Variants in KIAA1217 observed in about 807,000 individuals in gnomAD.
KIAA1217 encodes the protein sickle tail protein homolog.
Under a neutral mutation model 163.9 loss-of-function variants are expected in KIAA1217, and 88 were observed. That is an observed-to-expected ratio of 0.54 (90% CI 0.45 to 0.64). KIAA1217 has a LOEUF of 0.64. KIAA1217 is among the 30% of genes least tolerant of loss of function. The pLI, the probability that KIAA1217 is intolerant of heterozygous loss-of-function variation, is 0.00. For missense variants in KIAA1217, 2,372 were observed against 2,475.0 expected, an observed-to-expected ratio of 0.96 and a Z score of 0.88; for synonymous variants, 903 against 923.1, an observed-to-expected ratio of 0.98 and a Z score of 0.39.
intron 2 of KIAA1217, among the ~76,000 whole-genome samples, chr10:24,039,170 T>C (rs766885375): frequency 6.6e-6 from 1 of 151,964 alleles, no homozygotes; most frequent in Admixed American, 6.6e-5. Flanking sequence ...GATTCTATAG[T>C]CTCTCAGGTT....
chr10:24,053,310 T>C (rs868291853), intron 2 of KIAA1217, among the ~76,000 whole-genome samples: 3 of 152,172 alleles, frequency 2.0e-5, no homozygotes, highest in Admixed American at 6.5e-5. Context: ...TTCATATTTA[T>C]AAATATGATA....
Position 24,313,925 on chromosome 10 carries a change from C to A in KIAA1217, c.355-66944C>A, listed in dbSNP as rs536661814. On this transcript the variant is annotated intron_variant, in intron 2 of 20. Coordinates refer to ENST00000376454, the MANE Select transcript of KIAA1217 (RefSeq NM_019590.5). ...TGCAATCTCGGCTCACTGCAACTTC[C>A]ACCTCCCGGGCTCAAGTGATTCTCC... Among the ~76,000 whole-genome samples, 8 of 149,868 alleles carry A rather than the reference C, an allele frequency of 5.3e-5. No individual in the cohort carries two copies. The East Asian group carries it at 1.6e-3, about 31-fold the overall frequency.
chr10:24,368,710 A>G, intron 2 of KIAA1217: 1 of 213,734 alleles, frequency 4.7e-6, no homozygotes, highest in Non-Finnish European at 8.0e-6. Flanking sequence ...AGATGAAGGC[A>G]TGGTGGATCC....
intron 1 of KIAA1217, among the ~76,000 whole-genome samples, chr10:23,907,404 G>A (rs1221490384): frequency 6.6e-6 from 1 of 151,798 alleles, no homozygotes; most frequent in Non-Finnish European, 1.5e-5. Context: ...CATGGGATGT[G>A]GTTCATACAA....
At chr10:23,872,287 C>G (rs1288352758) in intron 1 of KIAA1217, among the ~76,000 whole-genome samples, 1 of 146,300 alleles carries the variant, frequency 6.8e-6, no homozygotes. Flanking sequence ...TGGGTAGGAC[C>G]AATAGATTTT....
intron 1 of KIAA1217, among the ~76,000 whole-genome samples, chr10:23,834,501 G>C (rs1303998609): frequency 6.6e-6 from 1 of 152,120 alleles, no homozygotes; most frequent in African/African-American, 2.4e-5. Flanking sequence ...TGACATTCTA[G>C]TGGAAGAGAG....
chr10:24,368,534 T>C (rs2051113696), intron 2 of KIAA1217, among the ~76,000 whole-genome samples: 1 of 152,182 alleles, frequency 6.6e-6, no homozygotes, highest in South Asian at 2.1e-4. Context: ...TTTACAAGCA[T>C]TTTAAATTAT....
At chr10:24,376,831 G>A (rs962769601) in intron 2 of KIAA1217, among the ~76,000 whole-genome samples, 5 of 152,094 alleles carry the variant, frequency 3.3e-5, no homozygotes, top group African/African-American at 1.2e-4. Flanking sequence ...TGCGCCACAC[G>A]TGATCTTTGC....
Position 24,380,921 on chromosome 10 carries a change from C to T in KIAA1217, c.407C>T (p.Pro136Leu), listed in dbSNP as rs747714171. The T allele has an allele frequency of 8.7e-6, 14 of 1,604,676 alleles. No homozygotes were observed. The highest frequency in any genetic ancestry group is 4.0e-5 in the African/African-American group (3 of 74,672). Residue 136 changes from proline to leucine, a missense_variant, in exon 3 of 21, where the codon CCG becomes CTG. Transcript: ENST00000376454. The stretch of plus-strand genomic sequence containing the variant: ...CCTCAACCACCCAGTCTGGGTGACC[C>T]GGTCGAGCATTTATCAGAGACGTCC... The part of the protein sequence containing the change: ...HSPQPPSLGD[P>L]VEHLSETSAD...
At chr10:24,425,998 A>C (rs2059140154) in intron 3 of KIAA1217, among the ~76,000 whole-genome samples, 2 of 152,238 alleles carry the variant, frequency 1.3e-5, no homozygotes, top group Non-Finnish European at 2.9e-5. Flanking sequence ...AAACGCAATA[A>C]GAATCCTTTA....
intron 2 of KIAA1217, among the ~76,000 whole-genome samples, chr10:24,303,982 A>G (rs2041689541): frequency 6.6e-6 from 1 of 152,192 alleles, no homozygotes; most frequent in African/African-American, 2.4e-5. Flanking sequence ...AATGATGCTG[A>G]CAGGAGTTTT....
At chr10:24,010,488 T>TC (rs1847194388) in intron 2 of KIAA1217, among the ~76,000 whole-genome samples, 3 of 152,056 alleles carry the variant, frequency 2.0e-5, no homozygotes, top group South Asian at 2.1e-4. Flanking sequence ...CTTTTTTTTT[T>TC]TTACCAATTT....
intron 1 of KIAA1217, among the ~76,000 whole-genome samples, chr10:23,955,055 C>T (rs1434631374): frequency 6.6e-6 from 1 of 152,182 alleles, no homozygotes; most frequent in African/African-American, 2.4e-5. Context: ...GTAGGACTTA[C>T]TGTGCCCAGT....
At chr10:23,872,410 A>C (rs541645182) in intron 1 of KIAA1217, among the ~76,000 whole-genome samples, 7 of 152,190 alleles carry the variant, frequency 4.6e-5, no homozygotes, top group African/African-American at 1.7e-4. Context: ...AAAACAAACT[A>C]ACAAAAAACA....
At chr10:23,989,497 G>A (rs1846122936) in intron 1 of KIAA1217, among the ~76,000 whole-genome samples, 1 of 152,120 alleles carries the variant, frequency 6.6e-6, no homozygotes, top group South Asian at 2.1e-4. Flanking sequence ...ATTCTCCTTG[G>A]CCTCTCTGTA....
chr10:24,083,897 A>G (rs924757659), intron 2 of KIAA1217, among the ~76,000 whole-genome samples: 1 of 152,142 alleles, frequency 6.6e-6, no homozygotes, highest in Non-Finnish European at 1.5e-5. Flanking sequence ...GTAAATGATC[A>G]GTTCCTTTGA....
rs1836011227 is a variant in KIAA1217 at position 23,792,670 on chromosome 10, T to A, written c.-321+97436T>A. On this transcript the variant is annotated intron_variant, in intron 1 of 18. Transcript: ENST00000376462. Reference sequence around the variant, plus strand: ...ACCACGCCCGGCTAATTTTTTGTATTTTTTTTTTTTTTTAATAGAGACAGG... The same window carrying A: ...ACCACGCCCGGCTAATTTTTTGTATATTTTTTTTTTTTTAATAGAGACAGG... 2.3e-5 allele frequency among the ~76,000 whole-genome samples: 3 copies of A among 132,638 alleles called. No homozygotes were observed. In the South Asian group the frequency reaches 7.1e-4, roughly 31 times the overall value. 87.0% of individuals were successfully genotyped at this position (132,638 alleles called of 152,430 possible).
At chr10:24,321,516 G>C (rs1300515600) in intron 2 of KIAA1217, among the ~76,000 whole-genome samples, 2 of 152,138 alleles carry the variant, frequency 1.3e-5, no homozygotes, top group Non-Finnish European at 2.9e-5. Context: ...CTGGGTAACA[G>C]AGAGCAAGGC....
At chr10:23,752,609 A>G (rs1839797279) in intron 1 of KIAA1217, among the ~76,000 whole-genome samples, 1 of 152,200 alleles carries the variant, frequency 6.6e-6, no homozygotes, top group Admixed American at 6.5e-5. Context: ...TTTTGAATTC[A>G]TGCAATATTG....
Sources: gnomAD v4.1 joint callset for allele counts (sites outside exome capture counted in the v4.1 genomes callset) on GRCh38, gnomAD v4.1.1 for gene constraint, MANE v1.5 for transcripts, NCBI Gene and HGNC (gene_info 2026-07-23, HGNC 2026-07-21) for gene names.